Variants in HUS1 observed in about 807,000 individuals in gnomAD.
The protein encoded by HUS1 is HUS1 checkpoint clamp component, also known as checkpoint protein HUS1.
A neutral mutation model predicts 32.6 loss-of-function variants in HUS1; 31 were observed. The observed-to-expected ratio is 0.95, with a 90% CI of 0.72 to 1.28. The LOEUF is 1.28. HUS1 is among the 50% of genes most tolerant of loss of function. HUS1 has a pLI of 0.00. For synonymous variants in HUS1, 123 were observed against 116.6 expected, an observed-to-expected ratio of 1.06 and a Z score of -0.36; for missense variants, 340 against 337.7, an observed-to-expected ratio of 1.01 and a Z score of -0.05.
Position 47,963,924 on chromosome 7 carries a change from A to C in HUS1, c.*1432T>G, listed in dbSNP as rs1583710013. On this transcript the variant is annotated 3_prime_UTR_variant, in exon 8 of 8. Coordinates refer to ENST00000258774, the MANE Select transcript of HUS1 (RefSeq NM_004507.4). The stretch of plus-strand genomic sequence containing the variant: ...CCGTCTCAAAAAAAAAAACCAAAAA[A>C]CAAACAAAAAACCATTACTAAACAT... The C allele has an allele frequency of 6.6e-6, 1 of 152,098 alleles. No homozygotes were observed. Among genetic ancestry groups the C allele is most frequent in the South Asian group, 2.1e-4 (1 of 4,834 alleles). The allele number at this position is 152,098 out of a possible 1,614,324, so 9.4% of individuals were successfully genotyped here.
rs376346082 is a variant in HUS1, at chr7:47,975,974, C to CTT, written c.466-289_466-288dup. Among the ~76,000 whole-genome samples, 502 of 152,304 alleles carry CTT rather than the reference C, an allele frequency of 3.3e-3. 2 individuals are homozygous for CTT. The highest frequency in any genetic ancestry group is 0.012 in the African/African-American group (478 of 41,552). ...TTTTGGCTCAAGAAGGAATAGGGTA[C>CTT]TTCAGCTGAGATGCCCCTATATTGG... is the stretch of plus-strand genomic sequence containing the variant. On this transcript the variant is annotated intron_variant, in intron 4 of 7. Transcript: ENST00000258774.
Position 47,964,136 on chromosome 7 carries a change from T to C in HUS1, c.*1220A>G, listed in dbSNP as rs892286877. On this transcript the variant is annotated 3_prime_UTR_variant, in exon 8 of 8. Transcript: ENST00000258774. ...GCTGATGCCTGTAATCCCAGCACTT[T>C]GGGAGGCCCAGGTGGGCGGGTGGCT... 8 of 152,280 alleles carry C rather than the reference T, an allele frequency of 5.3e-5. No individual in the cohort carries two copies. The highest frequency in any genetic ancestry group is 1.7e-4 in the African/African-American group (7 of 41,458). 9.4% of individuals were successfully genotyped at this position (152,280 alleles called of 1,614,324 possible). A position where few individuals can be genotyped will look rare whatever the true frequency, so the allele number is the denominator to read the frequency against.
chr7:47,970,737 A>G (rs1404378501), intron 5 of HUS1, among the ~76,000 whole-genome samples: 1 of 152,200 alleles, frequency 6.6e-6, no homozygotes, highest in Non-Finnish European at 1.5e-5. Flanking sequence ...AATGGGAAAA[A>G]TCCCCAGGGT....
At chr7:47,968,966 C>G (rs1489684218) in intron 6 of HUS1, 3 of 357,012 alleles carry the variant, frequency 8.4e-6, no homozygotes. Context: ...GTAACTTGAT[C>G]CGAATTCTAC....
chr7:47,979,317 CGCGGCCTACA>C, intron 1 of HUS1, 141 bp downstream of exon 1: 1 of 565,856 alleles, frequency 1.8e-6, no homozygotes, highest in Non-Finnish European at 2.9e-6. Flanking sequence ...CCCACCCTCC[CGCGGCCTACA>C]CCAGCACCCC....
rs1032447362 is a variant in HUS1, at chr7:47,970,745, G to A, written c.541-1427C>T. ...AAAGAAAAATGGGAAAAATCCCCAGGGTATTTAGTCCCCACTTTCAAATGA... is the reference window on the plus strand; with the variant it reads ...AAAGAAAAATGGGAAAAATCCCCAGAGTATTTAGTCCCCACTTTCAAATGA... On this transcript the variant is annotated intron_variant, in intron 5 of 7. Transcript: ENST00000258774. Among the ~76,000 whole-genome samples, 5 of 152,224 alleles carry A rather than the reference G, an allele frequency of 3.3e-5. No individual in the cohort carries two copies. In the East Asian group the frequency reaches 9.6e-4, roughly 29 times the overall value.
Position 47,965,265 on chromosome 7 carries a change from T to C in HUS1, c.*91A>G. On this transcript the variant is annotated 3_prime_UTR_variant, in exon 8 of 8. Transcript: ENST00000258774. ...AGTACAGTGTGTCGATGTGCGGTGC[T>C]GTGAGGGCACAGACCAGTGATCAGA... The C allele has an allele frequency of 1.2e-6, 1 of 814,706 alleles. No individual in the cohort carries two copies. Among genetic ancestry groups the C allele is most frequent in the East Asian group, 2.4e-5 (1 of 40,916 alleles). 50.5% of individuals were successfully genotyped at this position (814,706 alleles called of 1,614,324 possible).
chr7:47,974,598 T>C (rs933706827), intron 5 of HUS1, among the ~76,000 whole-genome samples: 1 of 151,910 alleles, frequency 6.6e-6, no homozygotes, highest in Non-Finnish European at 1.5e-5. Flanking sequence ...ATCAAAAGTT[T>C]ATGCTTCATC....
rs1788782427 is a variant in HUS1 at position 47,979,503 on chromosome 7, T to A, written c.17A>T (p.Lys6Met). The A allele has an allele frequency of 6.2e-7, 1 of 1,612,796 alleles. No individual in the cohort carries two copies. The highest frequency in any genetic ancestry group is 8.5e-7 in the Non-Finnish European group (1 of 1,179,946). Residue 6 changes from lysine to methionine, a missense_variant, in exon 1 of 8, where the codon AAG becomes ATG. Coordinates refer to ENST00000258774, the MANE Select transcript of HUS1 (RefSeq NM_004507.4). MKFRAKIVDGACLNHF... is the reference protein window; with the variant it reads MKFRAMIVDGACLNHF... ...GTTCAGACAGGCCCCGTCCACGATC[T>A]TGGCCCGAAACTTCATGGCCGCGGA...
intron 6 of HUS1, among the ~76,000 whole-genome samples, chr7:47,968,128 T>C (rs954988154): frequency 1.3e-5 from 2 of 152,230 alleles, no homozygotes; most frequent in Admixed American, 6.5e-5. Flanking sequence ...TTCCAAGGCA[T>C]CTTTATTTAC....
At chr7:47,969,453 C>A in intron 5 of HUS1, 135 bp from the exon 6 acceptor site, 1 of 613,726 alleles carries the variant, frequency 1.6e-6, no homozygotes, top group Non-Finnish European at 2.8e-6. Context: ...ACACTGAGAC[C>A]CCCGTGCTAT....
At position 47,963,697 on chromosome 7, in the gene HUS1, C is replaced by T. The variant is rs918890847; in HGVS notation, c.*1659G>A. The T allele has an allele frequency of 6.6e-6, 1 of 151,578 alleles. No homozygotes were observed. The highest frequency in any genetic ancestry group is 2.4e-5 in the African/African-American group (1 of 41,274). The allele number at this position is 151,578 out of a possible 1,614,324, so 9.4% of individuals were successfully genotyped here. ...AGGCCAAGGTGGGTGATCACGAGGT[C>T]GAGATCGAGACCATCCTGGCCAACA... On this transcript the variant is annotated 3_prime_UTR_variant, in exon 8 of 8. Transcript: ENST00000258774.
intron 3 of HUS1, among the ~76,000 whole-genome samples, chr7:47,977,656 C>A (rs1788733358): frequency 6.6e-6 from 1 of 152,186 alleles, no homozygotes; most frequent in African/African-American, 2.4e-5. Context: ...CTTTGGGAGG[C>A]CGAGGTAGGT....
At chr7:47,970,608 C>G (rs1047567110) in intron 5 of HUS1, among the ~76,000 whole-genome samples, 4 of 152,206 alleles carry the variant, frequency 2.6e-5, no homozygotes, top group Non-Finnish European at 5.9e-5. Flanking sequence ...GAAATGCTAT[C>G]AACTACAGCT....
At chr7:47,966,528 T>TCAGCGCAGGGGCCCC (rs1788482964) in intron 7 of HUS1, among the ~76,000 whole-genome samples, 1 of 152,142 alleles carries the variant, frequency 6.6e-6, no homozygotes, top group Non-Finnish European at 1.5e-5. Context: ...ACCCTGTGTT[T>TCAGCGCAGGGGCCCC]CCACACTCTG....
At chr7:47,973,022 G>T (rs961700061) in intron 5 of HUS1, among the ~76,000 whole-genome samples, 10 of 152,114 alleles carry the variant, frequency 6.6e-5, no homozygotes, top group African/African-American at 2.2e-4. Context: ...TCTCTTGATA[G>T]TGAGGGAGTT....
chr7:47,967,775 T>C, intron 7 of HUS1, 31 bp downstream of exon 7: 10 of 1,594,768 alleles, frequency 6.3e-6, no homozygotes, highest in Non-Finnish European at 8.6e-6. Flanking sequence ...TATGAAAGAA[T>C]ATGAAAAACA....
intron 7 of HUS1, among the ~76,000 whole-genome samples, chr7:47,965,856 T>C (rs558968404): frequency 6.6e-6 from 1 of 152,142 alleles, no homozygotes; most frequent in South Asian, 2.1e-4. Flanking sequence ...GATGGATCCC[T>C]GCATCTCAAC....
At chr7:47,974,797 T>C (rs1183606240) in intron 5 of HUS1, among the ~76,000 whole-genome samples, 2 of 152,200 alleles carry the variant, frequency 1.3e-5, no homozygotes, top group African/African-American at 2.4e-5. Context: ...TCGAGCCATG[T>C]GGCCATAGGA....
Sources: allele counts gnomAD v4.1 joint callset (sites outside exome capture counted in the v4.1 genomes callset), GRCh38; gene constraint gnomAD v4.1.1; transcripts MANE v1.5; gene names NCBI Gene and HGNC (gene_info 2026-07-23, HGNC 2026-07-21).